Variants in WAC observed in about 807,000 individuals in gnomAD.
WAC encodes WW domain containing adaptor with coiled-coil, also known as WW domain-containing adapter protein with coiled-coil.
A neutral mutation model predicts 79.6 loss-of-function variants in WAC; 11 were observed. That is an observed-to-expected ratio of 0.14 (90% CI 0.09 to 0.23). The LOEUF (loss-of-function observed/expected upper bound fraction) is 0.23. WAC is among the 10% of genes least tolerant of loss of function. The pLI is 1.00. For missense variants in WAC, 728 were observed against 773.5 expected, an observed-to-expected ratio of 0.94 and a Z score of 0.70; for synonymous variants, 304 against 276.9, an observed-to-expected ratio of 1.10 and a Z score of -0.97.
chr10:28,616,896 A>G (rs1433669303), intron 12 of WAC, among the ~76,000 whole-genome samples: 2 of 152,204 alleles, frequency 1.3e-5, no homozygotes, highest in Non-Finnish European at 2.9e-5. Context: ...AGTCTGACCA[A>G]CATGGTGAAA....
chr10:28,535,348 T>G, intron 2 of WAC: 1 of 396,134 alleles, frequency 2.5e-6, no homozygotes, highest in Non-Finnish European at 4.3e-6. Context: ...TTTTTTGTGT[T>G]TAGTGTGATT....
intron 3 of WAC, among the ~76,000 whole-genome samples, chr10:28,549,490 G>T (rs1038938441): frequency 5.9e-5 from 9 of 152,136 alleles, no homozygotes; most frequent in African/African-American, 2.2e-4. Flanking sequence ...TAATGCCTGG[G>T]AAGTTGTCCC....
intron 10 of WAC, among the ~76,000 whole-genome samples, chr10:28,612,228 A>G (rs991665255): frequency 1.3e-5 from 2 of 152,260 alleles, no homozygotes; most frequent in Non-Finnish European, 2.9e-5. Context: ...TTCAAACTCC[A>G]AAAGACATGA....
At chr10:28,541,268 G>C (rs1415369507) in intron 3 of WAC, among the ~76,000 whole-genome samples, 1 of 151,906 alleles carries the variant, frequency 6.6e-6, no homozygotes, top group Non-Finnish European at 1.5e-5. Context: ...AATTGTTTGG[G>C]GGGTAGTGCA....
At chr10:28,586,106 C>T (rs768058146) in intron 4 of WAC, among the ~76,000 whole-genome samples, 1 of 152,154 alleles carries the variant, frequency 6.6e-6, no homozygotes, top group Non-Finnish European at 1.5e-5. Context: ...ATGATACAAA[C>T]AGCCCTTATG....
At chr10:28,536,525 T>C (rs1337560743) in intron 3 of WAC, among the ~76,000 whole-genome samples, 1 of 152,250 alleles carries the variant, frequency 6.6e-6, no homozygotes, top group Non-Finnish European at 1.5e-5. Context: ...AAATTATTTA[T>C]GACTTAGAAA....
chr10:28,557,801 T>C (rs1838076177), intron 3 of WAC, among the ~76,000 whole-genome samples: 1 of 152,102 alleles, frequency 6.6e-6, no homozygotes, highest in Non-Finnish European at 1.5e-5. Context: ...GGGGTCAGGC[T>C]CAGTGGCTCA....
At position 28,622,092 on chromosome 10, in the gene WAC, G is replaced by A. The variant is rs1241740894; in HGVS notation, c.*2486G>A. ...GGGTTTCTCCATGTTGGTCAGGCTG[G>A]TCTTGAACTGCCAACTTCAGGTGAT... is the stretch of plus-strand genomic sequence containing the variant. On this transcript the variant is annotated 3_prime_UTR_variant, in exon 14 of 14. Coordinates refer to ENST00000354911, the MANE Select transcript of WAC (RefSeq NM_016628.5). 1 of 152,252 alleles carries A rather than the reference G, an allele frequency of 6.6e-6. No homozygotes were observed. Among genetic ancestry groups the A allele is most frequent in the Non-Finnish European group, 1.5e-5 (1 of 68,100 alleles). The allele number at this position is 152,252 out of a possible 1,614,324, so 9.4% of individuals were successfully genotyped here. A position where few individuals can be genotyped will look rare whatever the true frequency, so the allele number is the denominator to read the frequency against.
intron 3 of WAC, among the ~76,000 whole-genome samples, chr10:28,567,869 T>G (rs971525316): frequency 9.9e-5 from 15 of 152,008 alleles, no homozygotes; most frequent in East Asian, 1.9e-4. Flanking sequence ...ATCCTCCCAC[T>G]CCAGCCTCCC....
intron 3 of WAC, among the ~76,000 whole-genome samples, chr10:28,559,135 G>GGTTGTGT (rs750941388): frequency 1.1e-4 from 7 of 64,728 alleles, no homozygotes; most frequent in Admixed American, 9.2e-4. Context: ...CGAGAAACCT[G>GGTTGTGT]ATGTGTGTGT....
chr10:28,541,415 GTTTTGTTTTTTTTTT>G (rs1234552459), intron 3 of WAC, among the ~76,000 whole-genome samples: 1 of 37,890 alleles, frequency 2.6e-5, no homozygotes, highest in Middle Eastern at 0.022. Context: ...GTGTGTGTGT[GTTTTGTTTTTTTTTT>G]TTTTTTTTTT....
At chr10:28,607,204 G>A (rs1564415897) in intron 7 of WAC, among the ~76,000 whole-genome samples, 1 of 152,086 alleles carries the variant, frequency 6.6e-6, no homozygotes, top group Non-Finnish European at 1.5e-5. Flanking sequence ...CATCTGCTTG[G>A]TGTTATGGAT....
At chr10:28,547,432 G>A (rs1377281580) in intron 3 of WAC, among the ~76,000 whole-genome samples, 1 of 152,076 alleles carries the variant, frequency 6.6e-6, no homozygotes, top group Non-Finnish European at 1.5e-5. Context: ...CTACCTGGGA[G>A]GCTGAGGCAG....
intron 7 of WAC, among the ~76,000 whole-genome samples, chr10:28,597,866 C>A (rs1293669421): frequency 6.6e-6 from 1 of 152,168 alleles, no homozygotes; most frequent in East Asian, 1.9e-4. Flanking sequence ...CATTGAAATT[C>A]AGATTCTCTC....
intron 4 of WAC, among the ~76,000 whole-genome samples, chr10:28,587,709 A>G (rs1409644547): frequency 6.6e-6 from 1 of 152,224 alleles, no homozygotes; most frequent in Non-Finnish European, 1.5e-5. Context: ...CTCCTTGAGG[A>G]TGGCAGTGGG....
intron 7 of WAC, among the ~76,000 whole-genome samples, chr10:28,604,168 G>A (rs1840809885): frequency 6.6e-6 from 1 of 150,502 alleles, no homozygotes; most frequent in Admixed American, 6.6e-5. Flanking sequence ...CATAAAATGA[G>A]CTATTCATCG....
intron 2 of WAC, 26 bp from the exon 3 acceptor site, chr10:28,535,532 CTCTT>C (rs763786786): frequency 2.0e-6 from 3 of 1,524,988 alleles, no homozygotes; most frequent in South Asian, 1.3e-5. Flanking sequence ...AATTCTTTCT[CTCTT>C]TTTTTGGGGG....
At chr10:28,583,896 TAC>T (rs1277684546) in intron 4 of WAC, among the ~76,000 whole-genome samples, 2 of 152,230 alleles carry the variant, frequency 1.3e-5, no homozygotes. Flanking sequence ...TACTGTGTCT[TAC>T]ACACTCTCCC....
chr10:28,538,051 G>C (rs563587341), intron 3 of WAC, among the ~76,000 whole-genome samples: 3 of 152,120 alleles, frequency 2.0e-5, no homozygotes, highest in Non-Finnish European at 4.4e-5. Context: ...ATATTATATG[G>C]AAATAATAAT....
Sources: allele counts gnomAD v4.1 joint callset (sites outside exome capture counted in the v4.1 genomes callset), GRCh38; gene constraint gnomAD v4.1.1; transcripts MANE v1.5; gene names NCBI Gene and HGNC (gene_info 2026-07-23, HGNC 2026-07-21).